Variants in DOK7 observed in about 807,000 individuals in gnomAD.
DOK7 encodes docking protein 7, also known as protein Dok-7.
In DOK7, 32 loss-of-function variants were observed where a neutral mutation model predicts 30.7. The observed-to-expected ratio is 1.04, with a 90% confidence interval of 0.79 to 1.40. DOK7 has a LOEUF of 1.40. Ranked by LOEUF, DOK7 falls within the 40% of genes most tolerant of loss-of-function variation. The pLI is 0.00. For missense variants in DOK7, 1,007 were observed against 699.2 expected, an observed-to-expected ratio of 1.44 and a Z score of -4.97; for synonymous variants, 447 against 324.1, an observed-to-expected ratio of 1.38 and a Z score of -4.07.
rs1480285240 is a variant in DOK7, at chr4:3,494,392, C to G, written c.*891C>G. ...TGCCCTGACCACAGCCCAGCAGCTC[C>G]CTGTGAACACCTCTTTGTCCCTTCA... On this transcript the variant is annotated 3_prime_UTR_variant, in exon 7 of 7. Coordinates refer to ENST00000340083, the MANE Select transcript of DOK7 (RefSeq NM_173660.5). The G allele has an allele frequency of 1.0e-6, 1 of 985,766 alleles. No homozygotes were observed. The highest frequency in any genetic ancestry group is 1.2e-6 in the Non-Finnish European group (1 of 830,252). The allele number at this position is 985,766 out of a possible 1,614,324, so 61.1% of individuals were successfully genotyped here.
chr4:3,471,498 C>T (rs1726765673), intron 2 of DOK7, among the ~76,000 whole-genome samples: 1 of 152,176 alleles, frequency 6.6e-6, no homozygotes, highest in African/African-American at 2.4e-5. Flanking sequence ...GGCCCGGGCC[C>T]CTGCAGCGAT....
chr4:3,468,565 TATGA>T (rs1447701154), intron 2 of DOK7, among the ~76,000 whole-genome samples: 5 of 150,912 alleles, frequency 3.3e-5, no homozygotes, highest in African/African-American at 1.2e-4. Flanking sequence ...TGTGAGCATG[TATGA>T]ATGTGTGTGC....
chr4:3,463,675 C>T, intron 2 of DOK7, 124 bp downstream of exon 2: 2 of 1,287,016 alleles, frequency 1.6e-6, no homozygotes, highest in Non-Finnish European at 2.1e-6. Flanking sequence ...AACCCGAGAG[C>T]CCCGTGCGGA....
intron 4 of DOK7, among the ~76,000 whole-genome samples, chr4:3,483,080 TGGC>T (rs1727531360): frequency 7.8e-6 from 1 of 128,014 alleles, no homozygotes; most frequent in Admixed American, 7.9e-5. Flanking sequence ...AGGGTGGGGG[TGGC>T]AGCCTCCTGA....
chr4:3,495,973 T>C (rs549484630), downstream of DOK7, among the ~76,000 whole-genome samples: 264 of 152,318 alleles, frequency 1.7e-3, 1 homozygote, highest in African/African-American at 6.1e-3. Context: ...GCACCAGTGC[T>C]AGGTGCTGAG....
At chr4:3,479,659 T>C (rs1727321528) in intron 4 of DOK7, among the ~76,000 whole-genome samples, 1 of 152,182 alleles carries the variant, frequency 6.6e-6, no homozygotes, top group African/African-American at 2.4e-5. Context: ...AGGCGATGGC[T>C]GCGCCTCACT....
chr4:3,496,770 G>A (rs574758113), downstream of DOK7: 25 of 1,531,826 alleles, frequency 1.6e-5, no homozygotes, highest in East Asian at 1.2e-4. Flanking sequence ...CCGGGCACAG[G>A]ATGAGGGGAA....
intron 4 of DOK7, among the ~76,000 whole-genome samples, chr4:3,479,556 C>T (rs1194320850): frequency 6.6e-6 from 1 of 152,242 alleles, no homozygotes; most frequent in Non-Finnish European, 1.5e-5. Context: ...TCCCCAGGGA[C>T]AGGTCCTAGC....
At chr4:3,500,226 G>A (rs933281789) in intron 6 of DOK7, 1 of 1,533,862 alleles carries the variant, frequency 6.5e-7, no homozygotes, top group Non-Finnish European at 8.7e-7. Flanking sequence ...TCCCCACCGG[G>A]GCTTCACAGC....
intron 2 of DOK7, among the ~76,000 whole-genome samples, chr4:3,466,930 G>A (rs750314695): frequency 1.3e-4 from 20 of 152,232 alleles, no homozygotes; most frequent in Non-Finnish European, 2.8e-4. Context: ...TCCGGGGCTA[G>A]GCACTGGATC....
intron 5 of DOK7, among the ~76,000 whole-genome samples, 168 bp downstream of exon 5, chr4:3,485,826 G>T (rs182533556): frequency 1.5e-3 from 222 of 152,390 alleles, no homozygotes; most frequent in African/African-American, 5.0e-3. Flanking sequence ...CTGGGCTTCT[G>T]CAAGCCCTGC....
intron 6 of DOK7, 39 bp downstream of exon 6, chr4:3,489,835 T>C: frequency 6.4e-7 from 1 of 1,557,644 alleles, no homozygotes; most frequent in Non-Finnish European, 8.7e-7. Flanking sequence ...GGACCTCGGC[T>C]AAGCCTCCAG....
chr4:3,476,004 C>T (rs1727030494), intron 3 of DOK7, among the ~76,000 whole-genome samples: 1 of 152,072 alleles, frequency 6.6e-6, no homozygotes, highest in Non-Finnish European at 1.5e-5. Context: ...CCTGCCGTCG[C>T]TGCCTCCCCG....
At chr4:3,484,294 C>T (rs1017364151) in intron 4 of DOK7, among the ~76,000 whole-genome samples, 7 of 152,176 alleles carry the variant, frequency 4.6e-5, no homozygotes, top group South Asian at 2.1e-4. Flanking sequence ...CGCCACGTGT[C>T]GGGGCTGGCC....
At chr4:3,498,503 G>C (rs1729033133), downstream of DOK7, among the ~76,000 whole-genome samples, 1 of 152,180 alleles carries the variant, frequency 6.6e-6, no homozygotes, top group African/African-American at 2.4e-5. Context: ...GGCTGCAGGG[G>C]GGTGTCCAGC....
intron 4 of DOK7, among the ~76,000 whole-genome samples, chr4:3,480,210 C>T (rs1002558259): frequency 2.0e-5 from 3 of 152,212 alleles, no homozygotes; most frequent in Admixed American, 6.5e-5. Flanking sequence ...TCCCCCCTTA[C>T]CTGCTCTCTC....
At chr4:3,484,089 T>G (rs1727606739) in intron 4 of DOK7, among the ~76,000 whole-genome samples, 1 of 152,218 alleles carries the variant, frequency 6.6e-6, no homozygotes, top group Non-Finnish European at 1.5e-5. Context: ...GGACTTGGAC[T>G]TGAGTCCACC....
rs1560227502 is a variant in DOK7 at position 3,490,613 on chromosome 4, C to CATTCATTCCTTCCTCT, written c.772+817_772+818insATTCATTCCTTCCTCT. Among the ~76,000 whole-genome samples, 30 of 109,346 alleles carry CATTCATTCCTTCCTCT rather than the reference C, an allele frequency of 2.7e-4. 1 individual carries two copies. The highest frequency in any genetic ancestry group is 2.3e-4 in the Non-Finnish European group (12 of 52,814). 71.7% of individuals were successfully genotyped at this position (109,346 alleles called of 152,430 possible). On this transcript the variant is annotated intron_variant, in intron 6 of 6. Coordinates refer to ENST00000340083, the MANE Select transcript of DOK7 (RefSeq NM_173660.5). The stretch of plus-strand genomic sequence containing the variant: ...TTCCTTCATTTCTTCTCTCCCTGCT[C>CATTCATTCCTTCCTCT]GTTCATTCCTTCCCTCTCCGCCTGC...
intron 2 of DOK7, among the ~76,000 whole-genome samples, chr4:3,467,903 C>G (rs1436080960): frequency 1.3e-5 from 2 of 152,162 alleles, no homozygotes; most frequent in Non-Finnish European, 2.9e-5. Flanking sequence ...AGGAAGCGCC[C>G]TGGGGCCCCC....
Sources: allele counts gnomAD v4.1 joint callset (sites outside exome capture counted in the v4.1 genomes callset), GRCh38; gene constraint gnomAD v4.1.1; transcripts MANE v1.5; gene names NCBI Gene and HGNC (gene_info 2026-07-23, HGNC 2026-07-21).